DNAH11: variants seen among roughly 807,000 people sequenced by gnomAD.
The protein encoded by DNAH11 is dynein axonemal heavy chain 11.
Under a neutral mutation model 526.0 loss-of-function variants are expected in DNAH11, and 442 were observed. That is an observed-to-expected ratio of 0.84 (90% CI 0.78 to 0.91). DNAH11 has a LOEUF of 0.91. Among genes scored for constraint, DNAH11 ranks in the 40% least tolerant of loss-of-function variants. The pLI is 0.00. For missense variants in DNAH11, 6,989 were observed against 5,448.7 expected (o/e 1.28, Z -8.90); for synonymous variants, 2,461 against 1,935.9 (o/e 1.27, Z -7.12).
chr7:21,728,656 C>T (rs1186434503), intron 45 of DNAH11, among the ~76,000 whole-genome samples: 1 of 152,186 alleles, frequency 6.6e-6, no homozygotes, highest in Admixed American at 6.5e-5. Flanking sequence ...TCTATCAGTT[C>T]ATTTCATGAA....
intron 28 of DNAH11, among the ~76,000 whole-genome samples, chr7:21,647,478 G>A (rs948001032): frequency 3.6e-5 from 5 of 140,620 alleles, no homozygotes; most frequent in East Asian, 2.0e-4. Flanking sequence ...TGCCCAGGCT[G>A]GAGTGTAGTG....
At chr7:21,549,169 G>A (rs182567811) in intron 2 of DNAH11, among the ~76,000 whole-genome samples, 6 of 152,276 alleles carry the variant, frequency 3.9e-5, no homozygotes, top group East Asian at 3.9e-4. Flanking sequence ...ATGAGCCACC[G>A]TACCTGGCCA....
At chr7:21,646,595 A>G (rs966519342) in intron 28 of DNAH11, among the ~76,000 whole-genome samples, 1 of 152,174 alleles carries the variant, frequency 6.6e-6, no homozygotes, top group Admixed American at 6.5e-5. Flanking sequence ...ATAGTGCACT[A>G]CATGTGAGGA....
At chr7:21,691,014 T>G (rs1783594001) in intron 35 of DNAH11, 133 bp downstream of exon 35, 2 of 652,114 alleles carry the variant, frequency 3.1e-6, no homozygotes, top group Non-Finnish European at 5.4e-6. Flanking sequence ...TTGGGCTCCT[T>G]TTATAGACAG....
intron 74 of DNAH11, 139 bp from the exon 75 acceptor site, chr7:21,880,563 T>C (rs746397155): frequency 1.2e-4 from 98 of 806,868 alleles, no homozygotes; most frequent in Middle Eastern, 3.7e-4. Flanking sequence ...AAGCTTCTCA[T>C]TGGATAAGTA....
intron 80 of DNAH11, 105 bp from the exon 81 acceptor site, chr7:21,899,875 C>A (rs1305064920): frequency 2.8e-5 from 40 of 1,415,076 alleles, no homozygotes; most frequent in Non-Finnish European, 3.6e-5. Context: ...GCCCAAGAAC[C>A]TAAAACACCC....
chr7:21,697,996 G>C, intron 35 of DNAH11, 79 bp from the exon 36 acceptor site: 1 of 1,437,954 alleles, frequency 7.0e-7, no homozygotes, highest in Non-Finnish European at 9.4e-7. Context: ...ATGTTGGTAC[G>C]AAATAACCAC....
rs572772924 is a variant in DNAH11, at chr7:21,819,301, C to T, written c.10691+962C>T. On this transcript the variant is annotated intron_variant, in intron 65 of 81. Transcript: ENST00000409508. ...CTTGTCAATTTTAAGTGGAAATAGG[C>T]CTACATCAGGGTGACTAACTTCTTG... 2.3e-3 allele frequency among the ~76,000 whole-genome samples: 357 copies of T among 152,234 alleles called. 1 individual carries two copies. The highest frequency in any genetic ancestry group is 4.3e-3 in the Non-Finnish European group (290 of 68,024).
chr7:21,677,266 T>C (rs1283922687), intron 30 of DNAH11, among the ~76,000 whole-genome samples: 1 of 151,916 alleles, frequency 6.6e-6, no homozygotes. Flanking sequence ...TGCTGGGCAT[T>C]GACATCATCA....
chr7:21,635,878 T>C lies in DNAH11; in HGVS notation c.4508T>C (p.Leu1503Ser), dbSNP rs1786839227. The C allele has an allele frequency of 6.2e-7, 1 of 1,609,110 alleles. No individual in the cohort carries two copies. Among genetic ancestry groups the C allele is most frequent in the Non-Finnish European group, 8.5e-7 (1 of 1,177,510 alleles). Reference protein sequence around the residue: ...FETLEHNQVQLQTLLQSKYVE... With the variant: ...FETLEHNQVQSQTLLQSKYVE... ...TCTTTGCCTTTATTTTAGGTTCAGTTGCAGACTCTTCTTCAAAGCAAGTAT... is the reference window on the plus strand; with the variant it reads ...TCTTTGCCTTTATTTTAGGTTCAGTCGCAGACTCTTCTTCAAAGCAAGTAT... Residue 1503 changes from leucine (L) to serine (S), a missense_variant, in exon 26 of 82, where the codon TTG becomes TCG. By Grantham distance (145) the Leu-to-Ser change is moderately radical. Coordinates refer to ENST00000409508, the MANE Select transcript of DNAH11 (RefSeq NM_001277115.2).
At chr7:21,553,659 T>C (rs1336262667) in intron 2 of DNAH11, among the ~76,000 whole-genome samples, 1 of 152,190 alleles carries the variant, frequency 6.6e-6, no homozygotes, top group Non-Finnish European at 1.5e-5. Context: ...CTTTACATAC[T>C]TGTAACATCC....
rs887727171 is a variant in DNAH11 at position 21,589,463 on chromosome 7, T to C, written c.2169+60T>C. On this transcript the variant is annotated intron_variant, in intron 12 of 81. Transcript: ENST00000409508. ...GCCCTTTTTATTATAAGCCTATTTC[T>C]GATATTTCCAGTCATTTGTAATTTA... The C allele has an allele frequency of 2.9e-6, 4 of 1,357,034 alleles. No homozygotes were observed. The African/African-American group carries it at 5.9e-5, about 20-fold the overall frequency. 84.1% of individuals were successfully genotyped at this position (1,357,034 alleles called of 1,614,324 possible). A position where few individuals can be genotyped will look rare whatever the true frequency, so the allele number is the denominator to read the frequency against.
chr7:21,731,057 T>G (rs927193760), intron 45 of DNAH11, among the ~76,000 whole-genome samples: 4 of 152,036 alleles, frequency 2.6e-5, no homozygotes, highest in African/African-American at 9.7e-5. Flanking sequence ...GGCAGGAGAA[T>G]TGCTTGAACC....
At chr7:21,870,623 G>C (rs1001848359) in intron 73 of DNAH11, among the ~76,000 whole-genome samples, 1 of 152,162 alleles carries the variant, frequency 6.6e-6, no homozygotes, top group African/African-American at 2.4e-5. Flanking sequence ...GAGGGCTATA[G>C]TCATCCTCAA....
At chr7:21,891,687 A>C (rs1456580019) in intron 76 of DNAH11, among the ~76,000 whole-genome samples, 2 of 152,146 alleles carry the variant, frequency 1.3e-5, no homozygotes, top group African/African-American at 4.8e-5. Context: ...GATGGGCACG[A>C]TAAAAGCCCG....
intron 20 of DNAH11, among the ~76,000 whole-genome samples, chr7:21,610,649 A>G (rs1405511253): frequency 2.0e-5 from 3 of 152,352 alleles, no homozygotes; most frequent in Non-Finnish European, 2.9e-5. Context: ...GAGACTATCA[A>G]CCATGATCAG....
intron 66 of DNAH11, among the ~76,000 whole-genome samples, chr7:21,844,123 AAC>A: frequency 6.6e-6 from 1 of 152,304 alleles, no homozygotes; most frequent in African/African-American, 2.4e-5. Context: ...AATTTATTAA[AAC>A]ACAGCCATGG....
intron 35 of DNAH11, among the ~76,000 whole-genome samples, chr7:21,693,215 A>T (rs571411101): frequency 2.0e-5 from 3 of 152,260 alleles, no homozygotes; most frequent in East Asian, 3.9e-4. Context: ...TTGTTGTTCT[A>T]TAGTTTTCGT....
At chr7:21,687,311 T>A (rs1562490491) in intron 33 of DNAH11, 56 bp downstream of exon 33, 11 of 1,557,648 alleles carry the variant, frequency 7.1e-6, no homozygotes, top group Non-Finnish European at 9.5e-6. Flanking sequence ...TATTCCTGAT[T>A]GGGAATTATT....
Sources: gnomAD v4.1 joint callset for allele counts (sites outside exome capture counted in the v4.1 genomes callset) on GRCh38, gnomAD v4.1.1 for gene constraint, MANE v1.5 for transcripts, NCBI Gene and HGNC (gene_info 2026-07-23, HGNC 2026-07-21) for gene names.